CELF1: variants seen among roughly 807,000 people sequenced by gnomAD.
The protein encoded by CELF1 is CUGBP Elav-like family member 1, also known as 50 kDa nuclear polyadenylated RNA-binding protein.
A neutral mutation model predicts 61.8 loss-of-function variants in CELF1; 10 were observed. The observed-to-expected ratio is 0.16, with a 90% CI of 0.10 to 0.27. CELF1 has a LOEUF of 0.27. CELF1 is among the 10% of genes least tolerant of loss of function. The pLI is 1.00. For synonymous variants in CELF1, 236 were observed against 225.1 expected, an observed-to-expected ratio of 1.05 and a Z score of -0.43; for missense variants, 380 against 639.1, an observed-to-expected ratio of 0.59 and a Z score of 4.37.
chr11:47,556,770 A>G (rs934667601), upstream of CELF1, among the ~76,000 whole-genome samples: 6 of 152,190 alleles, frequency 3.9e-5, no homozygotes, highest in African/African-American at 1.4e-4. Context: ...AGTTCCAACT[A>G]CTTAAGAAGC....
Position 47,487,255 on chromosome 11 carries a change from G to A in CELF1, c.260-14C>T. ...CAAAACAGCACCCTGCAATAAATAAGATTTCATAAAATCAAACTTTGGAAA... is the reference window on the plus strand; with the variant it reads ...CAAAACAGCACCCTGCAATAAATAAAATTTCATAAAATCAAACTTTGGAAA... On this transcript the variant is annotated splice_polypyrimidine_tract_variant and intron_variant, in intron 4 of 14. Coordinates refer to ENST00000687097, the MANE Select transcript of CELF1 (RefSeq NM_001376376.1). 6.3e-7 allele frequency: 1 copy of A among 1,598,714 alleles called. No homozygotes were observed. Among genetic ancestry groups the A allele is most frequent in the Non-Finnish European group, 8.5e-7 (1 of 1,170,714 alleles).
At position 47,553,117 on chromosome 11, in the gene CELF1, C is replaced by T. The variant is rs1445332429; in HGVS notation, c.-279G>A. ...CGCGTCCCGCCGCCGCTGCCGCTGC[C>T]GCCAGAGCAGAACACCCCAAAATGG... On this transcript the variant is annotated 5_prime_UTR_variant, in exon 1 of 15. Coordinates refer to ENST00000687097, the MANE Select transcript of CELF1 (RefSeq NM_001376376.1). The T allele has an allele frequency of 5.0e-6, 2 of 397,952 alleles. No homozygotes were observed. Among genetic ancestry groups the T allele is most frequent in the African/African-American group, 2.1e-5 (1 of 48,500 alleles). 24.7% of individuals were successfully genotyped at this position (397,952 alleles called of 1,614,324 possible).
intron 2 of CELF1, among the ~76,000 whole-genome samples, chr11:47,558,535 TTATATATTTATATTA>T (rs1565921451): frequency 1.8e-5 from 2 of 112,124 alleles, no homozygotes; most frequent in Non-Finnish European, 3.3e-5. Flanking sequence ...ATGTATATAT[TTATATATTTATATTA>T]TATATATTTA....
intron 1 of CELF1, among the ~76,000 whole-genome samples, chr11:47,529,447 G>A (rs530683483): frequency 1.5e-4 from 23 of 152,286 alleles, no homozygotes; most frequent in Admixed American, 4.6e-4. Context: ...AGCACGTTGC[G>A]AGGCCGAGGC....
At chr11:47,545,092 G>T (rs778506974) in intron 1 of CELF1, among the ~76,000 whole-genome samples, 20 of 151,632 alleles carry the variant, frequency 1.3e-4, no homozygotes, top group Non-Finnish European at 2.9e-4. Flanking sequence ...AGATCAGCCT[G>T]GCCAAGCCTG....
At chr11:47,476,791 A>C in intron 12 of CELF1, 55 bp downstream of exon 12, 1 of 1,356,916 alleles carries the variant, frequency 7.4e-7, no homozygotes, top group Admixed American at 1.7e-5. Flanking sequence ...ACCAGGGTTA[A>C]GATGTGCTAC....
At chr11:47,552,114 T>C (rs1467873518) in intron 1 of CELF1, among the ~76,000 whole-genome samples, 1 of 152,196 alleles carries the variant, frequency 6.6e-6, no homozygotes. Flanking sequence ...TTTAAAACTG[T>C]TATACAGCCT....
At position 47,482,890 on chromosome 11, in the gene CELF1, C is replaced by T. The variant is rs3740698; in HGVS notation, c.607-34G>A. ...AGACCATAACGAAAGGGTCAAATTC[C>T]TCCATCTGAAAAGAAGAAAAAAAAT... On this transcript the variant is annotated intron_variant, in intron 8 of 14. Transcript: ENST00000687097. 2,329 of 1,585,430 alleles carry T rather than the reference C, an allele frequency of 1.5e-3. 36 individuals are homozygous for T. The East Asian group carries it at 0.033, about 22-fold the overall frequency.
intron 1 of CELF1, among the ~76,000 whole-genome samples, chr11:47,541,890 A>C (rs2096815359): frequency 1.3e-5 from 2 of 152,110 alleles, no homozygotes; most frequent in South Asian, 4.1e-4. Flanking sequence ...AAAATTACAC[A>C]GCCCAGGAAT....
rs2097183134 is a variant in CELF1 at position 47,552,981 on chromosome 11, G to A, written c.-154+11C>T. The A allele has an allele frequency of 5.0e-6, 2 of 397,500 alleles. No homozygotes were observed. Among genetic ancestry groups the A allele is most frequent in the Non-Finnish European group, 8.9e-6 (2 of 225,472 alleles). 24.6% of individuals were successfully genotyped at this position (397,500 alleles called of 1,614,324 possible). A position where few individuals can be genotyped will look rare whatever the true frequency, so the allele number is the denominator to read the frequency against. ...TCCCGCGGCCCGTTATCCTGCGGCCGCAGCACTCACCAGCGGCTGCACCTG... is the reference window on the plus strand; with the variant it reads ...TCCCGCGGCCCGTTATCCTGCGGCCACAGCACTCACCAGCGGCTGCACCTG... On this transcript the variant is annotated intron_variant, in intron 1 of 14. Transcript: ENST00000687097.
At chr11:47,536,670 C>T (rs555205734) in intron 1 of CELF1, among the ~76,000 whole-genome samples, 62 of 152,238 alleles carry the variant, frequency 4.1e-4, no homozygotes, top group African/African-American at 1.4e-3. Flanking sequence ...AAGGCTGAGG[C>T]AGTTACTTGA....
chr11:47,466,135 T>C lies in CELF1; in HGVS notation c.*6095A>G, dbSNP rs2076644606. The C allele has an allele frequency of 6.6e-6, 1 of 152,130 alleles. No homozygotes were observed. The highest frequency in any genetic ancestry group is 6.5e-5 in the Admixed American group (1 of 15,270). 9.4% of individuals were successfully genotyped at this position (152,130 alleles called of 1,614,324 possible). A position where few individuals can be genotyped will look rare whatever the true frequency, so the allele number is the denominator to read the frequency against. On this transcript the variant is annotated 3_prime_UTR_variant, in exon 15 of 15. Transcript: ENST00000687097. ...CTTGCTCCAAACTTATAACAATTTT[T>C]TTTTCTTTTTAAATTCACTACACAA...
At chr11:47,541,684 G>C (rs2096777704) in intron 1 of CELF1, among the ~76,000 whole-genome samples, 1 of 102,108 alleles carries the variant, frequency 9.8e-6, no homozygotes, top group African/African-American at 4.5e-5. Flanking sequence ...GGGCGAGACT[G>C]TCAAAGAAAG....
chr11:47,500,992 A>C, intron 1 of CELF1, 60 bp from the exon 2 acceptor site: 1 of 398,092 alleles, frequency 2.5e-6, no homozygotes, highest in African/African-American at 2.1e-5. Context: ...AAAAAAAAAA[A>C]AGAAAGGCAA....
At chr11:47,517,260 G>GAAAAAAAA (rs57071560) in intron 1 of CELF1, among the ~76,000 whole-genome samples, 1 of 76,994 alleles carries the variant, frequency 1.3e-5, no homozygotes. Context: ...AACAAACAGA[G>GAAAAAAAA]AAAAAAAAAA....
intron 1 of CELF1, among the ~76,000 whole-genome samples, chr11:47,509,897 C>CAA (rs34105209): frequency 0.54 from 74,085 of 136,242 alleles, 21,385 homozygotes; most frequent in Non-Finnish European, 0.64. Context: ...TGTGGTGTCT[C>CAA]AAAAAAAAAA....
At chr11:47,544,518 TC>T (rs1244172295) in intron 1 of CELF1, among the ~76,000 whole-genome samples, 1 of 152,170 alleles carries the variant, frequency 6.6e-6, no homozygotes, top group Non-Finnish European at 1.5e-5. Context: ...TAAAGCCCAT[TC>T]AAGTCACATC....
Position 47,499,448 on chromosome 11 carries a change from C to A in CELF1, c.71+5G>T. 1 of 1,534,354 alleles carries A rather than the reference C, an allele frequency of 6.5e-7. No homozygotes were observed. The highest frequency in any genetic ancestry group is 8.7e-7 in the Non-Finnish European group (1 of 1,145,380). On this transcript the variant is annotated splice_donor_5th_base_variant and intron_variant, in intron 3 of 14. Coordinates refer to ENST00000687097, the MANE Select transcript of CELF1 (RefSeq NM_001376376.1). Reference sequence around the variant, plus strand: ...TGATAAAAATTAGACAACAAAAATACTTACACGGGACTGGAATTCAAAGAG... The same window carrying A: ...TGATAAAAATTAGACAACAAAAATAATTACACGGGACTGGAATTCAAAGAG...
At chr11:47,543,995 T>C (rs1227403846) in intron 1 of CELF1, among the ~76,000 whole-genome samples, 1 of 152,200 alleles carries the variant, frequency 6.6e-6, no homozygotes, top group Non-Finnish European at 1.5e-5. Flanking sequence ...AGAAGCCTCC[T>C]AACAGTAGAC....
Sources: allele counts gnomAD v4.1 joint callset (sites outside exome capture counted in the v4.1 genomes callset), GRCh38; gene constraint gnomAD v4.1.1; transcripts MANE v1.5; gene names NCBI Gene and HGNC (gene_info 2026-07-23, HGNC 2026-07-21).